The following CLEC2A variants were observed in gnomAD, a reference collection of about 807,000 sequenced individuals.
CLEC2A encodes the protein keratinocyte-associated C-type lectin.
A neutral mutation model predicts 18.6 loss-of-function variants in CLEC2A; 19 were observed. The observed-to-expected ratio is 1.02, with a 90% CI of 0.71 to 1.50. CLEC2A has a LOEUF of 1.50. CLEC2A is among the 40% of genes most tolerant of loss of function. The pLI, the probability that CLEC2A is intolerant of heterozygous loss-of-function variation, is 0.00. For synonymous variants in CLEC2A, 74 were observed against 64.0 expected (o/e 1.16, Z -0.75); for missense variants, 190 against 207.9 (o/e 0.91, Z 0.53).
the CLEC2A span, among the ~76,000 whole-genome samples, chr12:9,881,067 C>A: frequency 1.3e-3 from 198 of 152,308 alleles, no homozygotes; most frequent in African/African-American, 4.6e-3. Flanking sequence ...TAACTTGAGA[C>A]TTGCTGATCT....
intron 3 of CLEC2A, among the ~76,000 whole-genome samples, chr12:9,917,409 T>C (rs1401280408): frequency 1.3e-5 from 2 of 152,198 alleles, no homozygotes; most frequent in African/African-American, 4.8e-5. Context: ...TTGAGATCAA[T>C]AGGAGAGGAC....
At chr12:9,918,911 C>T (rs973385659) in intron 3 of CLEC2A, among the ~76,000 whole-genome samples, 1 of 152,084 alleles carries the variant, frequency 6.6e-6, no homozygotes, top group Non-Finnish European at 1.5e-5. Context: ...TGTGCAGGGT[C>T]TTTATTTGAA....
intron 2 of CLEC2A, among the ~76,000 whole-genome samples, chr12:9,924,721 G>GC (rs1555132637): frequency 2.6e-5 from 4 of 151,588 alleles, no homozygotes; most frequent in Non-Finnish European, 4.4e-5. Context: ...TTATTTCTTT[G>GC]TTTTTTTTCA....
At chr12:9,919,075 C>T (rs1430208122) in intron 3 of CLEC2A, among the ~76,000 whole-genome samples, 2 of 152,164 alleles carry the variant, frequency 1.3e-5, no homozygotes, top group Non-Finnish European at 2.9e-5. Context: ...CTCACAGTTG[C>T]AGCCATGTTC....
At chr12:9,916,253 G>C (rs1863069431) in intron 4 of CLEC2A, among the ~76,000 whole-genome samples, 1 of 151,862 alleles carries the variant, frequency 6.6e-6, no homozygotes, top group African/African-American at 2.4e-5. Context: ...ATAAAAACAA[G>C]TAGTATTCAT....
At chr12:9,892,297 C>T in the CLEC2A span, among the ~76,000 whole-genome samples, 1 of 152,094 alleles carries the variant, frequency 6.6e-6, no homozygotes, top group Non-Finnish European at 1.5e-5. Flanking sequence ...AGAATAAGTA[C>T]CCAATGCATC....
At position 9,913,404 on chromosome 12, in the gene CLEC2A, C is replaced by G; in HGVS notation, c.*162G>C. 2 of 1,278,882 alleles carry G rather than the reference C, an allele frequency of 1.6e-6. No homozygotes were observed. Among genetic ancestry groups the G allele is most frequent in the Admixed American group, 6.2e-5 (2 of 32,304 alleles). The allele number at this position is 1,278,882 out of a possible 1,614,324, so 79.2% of individuals were successfully genotyped here. On this transcript the variant is annotated 3_prime_UTR_variant, in exon 5 of 5. Coordinates refer to ENST00000455827, the MANE Select transcript of CLEC2A (RefSeq NM_001130711.2). Reference sequence around the variant, plus strand: ...CCAGAGAACGGCCTTGTCTCTTTAACCATGGCAGGGCACAGCAAGAAGTTT... The same window carrying G: ...CCAGAGAACGGCCTTGTCTCTTTAAGCATGGCAGGGCACAGCAAGAAGTTT...
At chr12:9,906,074 A>G (rs1471190489) in intron 4 of CLEC2A, among the ~76,000 whole-genome samples, 2 of 146,640 alleles carry the variant, frequency 1.4e-5, no homozygotes, top group Non-Finnish European at 3.0e-5. Flanking sequence ...TTGTTTGGCT[A>G]GGGTATAAAT....
chr12:9,913,748 T>A, intron 4 of CLEC2A, 68 bp from the exon 5 acceptor site: 1 of 1,006,872 alleles, frequency 9.9e-7, no homozygotes, highest in Non-Finnish European at 1.4e-6. Flanking sequence ...CAATTAATAA[T>A]AGAGTGATTT....
intron 4 of CLEC2A, among the ~76,000 whole-genome samples, chr12:9,915,815 C>G (rs1010668629): frequency 2.6e-5 from 4 of 152,116 alleles, no homozygotes; most frequent in Admixed American, 6.5e-5. Context: ...ACACACATAC[C>G]TATGTAACAA....
intron 4 of CLEC2A, among the ~76,000 whole-genome samples, chr12:9,900,931 A>G (rs907867141): frequency 6.6e-6 from 1 of 152,240 alleles, no homozygotes; most frequent in African/African-American, 2.4e-5. Flanking sequence ...CCATATTGCC[A>G]TAAGTTAAGA....
intron 3 of CLEC2A, among the ~76,000 whole-genome samples, chr12:9,921,749 AAAG>A (rs1243128070): frequency 6.6e-6 from 1 of 152,226 alleles, no homozygotes; most frequent in Non-Finnish European, 1.5e-5. Context: ...AAGCTAGAGA[AAAG>A]AAGATGTTAT....
intron 1 of CLEC2A, among the ~76,000 whole-genome samples, chr12:9,931,083 C>G (rs1385522842): frequency 6.6e-6 from 1 of 152,028 alleles, no homozygotes; most frequent in Non-Finnish European, 1.5e-5. Context: ...ATTCCTGCAG[C>G]CCGGCTTTCT....
downstream of CLEC2A, among the ~76,000 whole-genome samples, chr12:9,912,166 C>T (rs1862996513): frequency 6.6e-6 from 1 of 152,178 alleles, no homozygotes; most frequent in Non-Finnish European, 1.5e-5. Context: ...GGGGAAGAAC[C>T]TCTTATTCTT....
At chr12:9,894,732 A>G (rs1022731782), downstream of CLEC2A, among the ~76,000 whole-genome samples, 17 of 152,310 alleles carry the variant, frequency 1.1e-4, no homozygotes, top group South Asian at 2.1e-4. Context: ...GGATACATCT[A>G]TTCTACATTT....
Position 9,898,849 on chromosome 12 carries a change from C to T in CLEC2A, c.*55G>A, listed in dbSNP as rs1347626446. ...GGATGAAGACAGATTTAACTGCTTC[C>T]TGCTGACAGGGGACATTGTTTTGGG... On this transcript the variant is annotated 3_prime_UTR_variant, in exon 5 of 5. Coordinates refer to the CLEC2A transcript ENST00000339766. 2.1e-5 allele frequency: 15 copies of T among 699,814 alleles called. No individual in the cohort carries two copies. In the East Asian group the frequency reaches 3.5e-4, roughly 16 times the overall value. The allele number at this position is 699,814 out of a possible 1,614,324, so 43.4% of individuals were successfully genotyped here.
intron 4 of CLEC2A, among the ~76,000 whole-genome samples, chr12:9,915,200 C>A (rs1401034555): frequency 6.6e-6 from 1 of 151,942 alleles, no homozygotes; most frequent in Non-Finnish European, 1.5e-5. Context: ...AGTCAAAAAA[C>A]TAAAGATGCT....
downstream of CLEC2A, among the ~76,000 whole-genome samples, chr12:9,913,066 C>T (rs1367504338): frequency 1.3e-5 from 2 of 152,024 alleles, no homozygotes; most frequent in African/African-American, 4.8e-5. Context: ...AAATATGTGC[C>T]CCAAATTAAT....
chr12:9,912,095 T>G (rs1862995679), downstream of CLEC2A, among the ~76,000 whole-genome samples: 1 of 151,032 alleles, frequency 6.6e-6, no homozygotes, highest in Non-Finnish European at 1.5e-5. Context: ...GAAAAAAAAA[T>G]GTAAAGGTTA....
Sources: gnomAD v4.1 joint callset for allele counts (sites outside exome capture counted in the v4.1 genomes callset) on GRCh38, gnomAD v4.1.1 for gene constraint, MANE v1.5 for transcripts, NCBI Gene and HGNC (gene_info 2026-07-23, HGNC 2026-07-21) for gene names.